The following TLL1 variants were observed in gnomAD, a reference collection of about 807,000 sequenced individuals.
TLL1 encodes tolloid-like protein 1.
In TLL1, 49 loss-of-function variants were observed where a neutral mutation model predicts 128.2. The ratio of observed to expected loss-of-function variants is 0.38; its 90% CI spans 0.30 to 0.48. The LOEUF is 0.48. Ranked by LOEUF, TLL1 falls within the 20% of genes least tolerant of loss-of-function variation. TLL1 has a pLI of 0.96. For missense variants in TLL1, 1,123 were observed against 1,242.0 expected, an observed-to-expected ratio of 0.90 and a Z score of 1.44; for synonymous variants, 454 against 418.8, an observed-to-expected ratio of 1.08 and a Z score of -1.03.
intron 5 of TLL1, 126 bp from the exon 6 acceptor site, chr4:166,003,265 G>A: frequency 1.1e-6 from 1 of 890,862 alleles, no homozygotes; most frequent in Non-Finnish European, 1.8e-6. Context: ...AGTAATAAGA[G>A]GTTGTTCTGT....
At chr4:165,902,236 T>C (rs1004643394) in intron 1 of TLL1, among the ~76,000 whole-genome samples, 17 of 152,060 alleles carry the variant, frequency 1.1e-4, no homozygotes, top group African/African-American at 3.9e-4. Flanking sequence ...TTCAGCCCCC[T>C]TTCCAGGGGA....
At chr4:165,899,705 TG>T (rs746715080) in intron 1 of TLL1, among the ~76,000 whole-genome samples, 14 of 152,188 alleles carry the variant, frequency 9.2e-5, no homozygotes, top group Non-Finnish European at 2.1e-4. Context: ...TCTGTTGATC[TG>T]GGGTGGAGAG....
At chr4:166,070,676 C>A (rs775836861) in intron 16 of TLL1, among the ~76,000 whole-genome samples, 1 of 151,880 alleles carries the variant, frequency 6.6e-6, no homozygotes, top group Non-Finnish European at 1.5e-5. Context: ...ATGGAGGAGT[C>A]ACTTAAAATA....
intron 1 of TLL1, among the ~76,000 whole-genome samples, chr4:165,892,936 A>G (rs535331182): frequency 8.5e-5 from 13 of 152,234 alleles, no homozygotes; most frequent in African/African-American, 2.6e-4. Context: ...GATGGTAGCT[A>G]TTTCCCTCAA....
At chr4:165,908,467 C>T (rs1391966632) in intron 1 of TLL1, among the ~76,000 whole-genome samples, 1 of 151,582 alleles carries the variant, frequency 6.6e-6, no homozygotes, top group African/African-American at 2.4e-5. Context: ...CCTGTAGTCC[C>T]AGCTACTCAG....
At chr4:166,068,716 A>G (rs912718411) in intron 16 of TLL1, among the ~76,000 whole-genome samples, 3 of 151,882 alleles carry the variant, frequency 2.0e-5, no homozygotes, top group Non-Finnish European at 4.4e-5. Context: ...TTTCAAAATA[A>G]TATGATAGTG....
intron 13 of TLL1, 128 bp from the exon 14 acceptor site, chr4:166,057,056 C>T (rs568338924): frequency 1.9e-6 from 2 of 1,046,188 alleles, no homozygotes; most frequent in South Asian, 2.7e-5. Flanking sequence ...AGGTCCCTCT[C>T]ATGACACGTG....
chr4:166,060,474 C>T (rs1413451159), intron 15 of TLL1, among the ~76,000 whole-genome samples: 1 of 151,976 alleles, frequency 6.6e-6, no homozygotes, highest in Admixed American at 6.6e-5. Flanking sequence ...TTAGGGTCAA[C>T]TTCATGTCAC....
intron 1 of TLL1, among the ~76,000 whole-genome samples, chr4:165,916,689 C>T (rs1329606808): frequency 6.6e-6 from 1 of 152,158 alleles, no homozygotes; most frequent in Non-Finnish European, 1.5e-5. Flanking sequence ...TATAGTTTAG[C>T]CCTCTCATTT....
At chr4:165,959,538 A>G (rs1339996994) in intron 1 of TLL1, among the ~76,000 whole-genome samples, 2 of 152,156 alleles carry the variant, frequency 1.3e-5, no homozygotes, top group Non-Finnish European at 2.9e-5. Context: ...TAAAGAATAT[A>G]CATTCTTCTC....
intron 17 of TLL1, among the ~76,000 whole-genome samples, chr4:166,076,799 GA>G (rs1362832370): frequency 6.6e-6 from 1 of 152,132 alleles, no homozygotes; most frequent in Non-Finnish European, 1.5e-5. Flanking sequence ...GACAGGAACT[GA>G]ATTTTACCTT....
chr4:166,079,342 G>C (rs1428901268), intron 18 of TLL1, among the ~76,000 whole-genome samples: 1 of 152,058 alleles, frequency 6.6e-6, no homozygotes, highest in Non-Finnish European at 1.5e-5. Flanking sequence ...TATTCTTTCT[G>C]AAGAATTTAT....
chr4:165,921,374 T>C (rs888922066), intron 1 of TLL1, among the ~76,000 whole-genome samples: 3 of 152,230 alleles, frequency 2.0e-5, no homozygotes, highest in Admixed American at 2.0e-4. Context: ...CTAAAATGCA[T>C]GGCATAACAA....
chr4:165,894,694 T>C (rs550735415), intron 1 of TLL1, among the ~76,000 whole-genome samples: 2 of 152,116 alleles, frequency 1.3e-5, no homozygotes, highest in Non-Finnish European at 2.9e-5. Flanking sequence ...TCCTTATCTT[T>C]AGGGAAAAAG....
In TLL1 at chr4:166,059,610, T is replaced by C. The variant is rs555736507; in HGVS notation, c.1847-418T>C. ...TCCTAAACTGTGCTTTACATGTATA[T>C]TTTCCTTAAATCTCCTAACACCCTT... is the stretch of plus-strand genomic sequence containing the variant. On this transcript the variant is annotated intron_variant, in intron 14 of 20. Coordinates refer to ENST00000061240, the MANE Select transcript of TLL1 (RefSeq NM_012464.5). Among the ~76,000 whole-genome samples the C allele has an allele frequency of 2.4e-4, 37 of 152,200 alleles. No homozygotes were observed. In the East Asian group the frequency reaches 5.0e-3, roughly 21 times the overall value.
At chr4:165,976,747 T>C (rs1253366729) in intron 1 of TLL1, among the ~76,000 whole-genome samples, 2 of 152,164 alleles carry the variant, frequency 1.3e-5, no homozygotes, top group South Asian at 2.1e-4. Context: ...TTTAAAATAT[T>C]TGGAAAAGGG....
At chr4:166,005,954 C>T (rs551784285) in intron 6 of TLL1, among the ~76,000 whole-genome samples, 4 of 151,814 alleles carry the variant, frequency 2.6e-5, no homozygotes, top group Non-Finnish European at 4.4e-5. Flanking sequence ...TTATGGCCAA[C>T]AGAAAAAAAT....
In TLL1 at chr4:166,101,337, G is replaced by T. The variant is rs1428875105; in HGVS notation, c.*461G>T. ...TGTATCTTGGATACAGTGTAAACCA[G>T]ATCCATATAAGGTGAATGTGAAATG... On this transcript the variant is annotated 3_prime_UTR_variant, in exon 21 of 21. Transcript: ENST00000061240. The T allele has an allele frequency of 1.9e-5, 4 of 210,872 alleles. No individual in the cohort carries two copies. Among genetic ancestry groups the T allele is most frequent in the South Asian group, 7.8e-5 (1 of 12,850 alleles). 13.1% of individuals were successfully genotyped at this position (210,872 alleles called of 1,614,324 possible).
chr4:165,876,025 C>A (rs1184265205), intron 1 of TLL1, among the ~76,000 whole-genome samples: 1 of 152,074 alleles, frequency 6.6e-6, no homozygotes, highest in Non-Finnish European at 1.5e-5. Flanking sequence ...GGATTATTAC[C>A]CTAATCTTAT....
Sources: gnomAD v4.1 joint callset for allele counts (sites outside exome capture counted in the v4.1 genomes callset) on GRCh38, gnomAD v4.1.1 for gene constraint, MANE v1.5 for transcripts, NCBI Gene and HGNC (gene_info 2026-07-23, HGNC 2026-07-21) for gene names.